Variants in ATP2B4 observed in about 807,000 individuals in gnomAD.
ATP2B4 encodes the protein plasma membrane calcium-transporting ATPase 4.
A neutral mutation model predicts 110.3 loss-of-function variants in ATP2B4; 39 were observed. The ratio of observed to expected loss-of-function variants is 0.35; its 90% confidence interval spans 0.27 to 0.46. The LOEUF (loss-of-function observed/expected upper bound fraction) is 0.46. Ranked by LOEUF, ATP2B4 falls within the 20% of genes least tolerant of loss-of-function variation. The probability of loss-of-function intolerance (pLI) is 1.00; values close to 1 mark genes in which losing one functional copy is unlikely to be tolerated. For synonymous variants in ATP2B4, 538 were observed against 571.7 expected, an observed-to-expected ratio of 0.94 and a Z score of 0.84; for missense variants, 1,135 against 1,530.9, an observed-to-expected ratio of 0.74 and a Z score of 4.32.
At position 203,680,608 on chromosome 1, in the gene ATP2B4, C is replaced by CAAAA. The variant is rs372298550; in HGVS notation, c.-464-2127_-464-2124dup. Reference sequence around the variant, plus strand: ...TGGGCGACAGAGTGAGACTCCGTCTCAAAAAAAAAAGAAAAAAAAGATCAA... The same window carrying CAAAA: ...TGGGCGACAGAGTGAGACTCCGTCTCAAAAAAAAAAAAAAGAAAAAAAAGATCAA... On this transcript the variant is annotated intron_variant, in intron 1 of 20. Coordinates refer to ENST00000357681, the MANE Select transcript of ATP2B4 (RefSeq NM_001684.5). Among the ~76,000 whole-genome samples, 42 of 130,780 alleles carry CAAAA rather than the reference C, an allele frequency of 3.2e-4. 4 individuals carry two copies. Among genetic ancestry groups the CAAAA allele is most frequent in the Admixed American group, 4.8e-4 (6 of 12,576 alleles). The allele number at this position is 130,780 out of a possible 152,430, so 85.8% of individuals were successfully genotyped here.
intron 1 of ATP2B4, among the ~76,000 whole-genome samples, chr1:203,660,799 AAAAT>A (rs1279743821): frequency 4.0e-5 from 6 of 151,414 alleles, no homozygotes; most frequent in Non-Finnish European, 7.4e-5. Context: ...CTGTCTCAAA[AAAAT>A]AAATAAATAA....
At chr1:203,713,841 A>G (rs1666083800) in intron 14 of ATP2B4, among the ~76,000 whole-genome samples, 1 of 152,128 alleles carries the variant, frequency 6.6e-6, no homozygotes, top group African/African-American at 2.4e-5. Context: ...AGGTATTCCC[A>G]TTTTACAAAT....
At chr1:203,732,745 G>A (rs904313364) in intron 20 of ATP2B4, among the ~76,000 whole-genome samples, 1 of 151,688 alleles carries the variant, frequency 6.6e-6, no homozygotes, top group African/African-American at 2.4e-5. Flanking sequence ...GGGCCTGTAG[G>A]TGGAGGTTGC....
rs1319802152 is a variant in ATP2B4 at position 203,740,416 on chromosome 1, T to A, written c.*562T>A. The A allele has an allele frequency of 6.6e-6, 1 of 150,378 alleles. No individual in the cohort carries two copies. The highest frequency in any genetic ancestry group is 1.9e-4 in the East Asian group (1 of 5,144). 9.3% of individuals were successfully genotyped at this position (150,378 alleles called of 1,614,324 possible). A position where few individuals can be genotyped will look rare whatever the true frequency, so the allele number is the denominator to read the frequency against. The stretch of plus-strand genomic sequence containing the variant: ...TTCATTCAAACCTCTCCAAAGTTCT[T>A]TGTCTTTTGTCTTCCCTTCCTTTCC... On this transcript the variant is annotated 3_prime_UTR_variant, in exon 21 of 21. Coordinates refer to ENST00000357681, the MANE Select transcript of ATP2B4 (RefSeq NM_001684.5).
rs917436236 is a variant in ATP2B4, at chr1:203,699,552, G to A, written c.484G>A (p.Val162Met). ...GAAILFSVIIVVLVTAFNDWS... is the reference protein window; with the variant it reads ...GAAILFSVIIMVLVTAFNDWS... The stretch of plus-strand genomic sequence containing the variant: ...AGCCATCCTTTTCTCAGTGATCATC[G>A]TGGTGTTAGTGACTGCCTTTAATGA... Residue 162 changes from valine to methionine, a missense_variant, in exon 4 of 21, where the codon GTG becomes ATG. Around this residue, in one of 9 missense-constraint regions of ATP2B4, gnomAD observed 101 missense variants for 182.6 expected, o/e 0.55. Coordinates refer to ENST00000357681, the MANE Select transcript of ATP2B4 (RefSeq NM_001684.5). 4 of 1,614,054 alleles carry A rather than the reference G, an allele frequency of 2.5e-6. No homozygotes were observed. The highest frequency in any genetic ancestry group is 1.3e-5 in the African/African-American group (1 of 74,902).
At position 203,647,967 on chromosome 1, in the gene ATP2B4, G is replaced by C. The variant is rs769387078; in HGVS notation, c.-465+20748G>C. Among the ~76,000 whole-genome samples, 122 of 152,128 alleles carry C rather than the reference G, an allele frequency of 8.0e-4. 1 individual carries two copies. Among genetic ancestry groups the C allele is most frequent in the Admixed American group, 3.3e-4 (5 of 15,266 alleles). On this transcript the variant is annotated intron_variant, in intron 1 of 20. Coordinates refer to ENST00000357681, the MANE Select transcript of ATP2B4 (RefSeq NM_001684.5). Reference sequence around the variant, plus strand: ...TCTATGTGTCTGGATCTCACATGAAGGTGTGAGAAGATGGGCAGGCCAACT... The same window carrying C: ...TCTATGTGTCTGGATCTCACATGAACGTGTGAGAAGATGGGCAGGCCAACT...
At chr1:203,672,088 A>G (rs994576546) in intron 1 of ATP2B4, among the ~76,000 whole-genome samples, 8 of 152,194 alleles carry the variant, frequency 5.3e-5, no homozygotes, top group Admixed American at 4.6e-4. Flanking sequence ...TATCCGTAAT[A>G]TAAGTGCAGG....
intron 1 of ATP2B4, among the ~76,000 whole-genome samples, chr1:203,647,769 A>C (rs1232711832): frequency 6.6e-6 from 1 of 152,048 alleles, no homozygotes; most frequent in East Asian, 1.9e-4. Flanking sequence ...AAAAAATTTA[A>C]ATATATGAAG....
intron 7 of ATP2B4, among the ~76,000 whole-genome samples, chr1:203,702,773 T>G (rs1426315215): frequency 6.6e-6 from 1 of 152,238 alleles, no homozygotes; most frequent in African/African-American, 2.4e-5. Flanking sequence ...GGAGTGGTGC[T>G]GGGAGCCAGC....
intron 1 of ATP2B4, chr1:203,657,172 CA>C: frequency 1.2e-6 from 1 of 809,604 alleles, no homozygotes; most frequent in Non-Finnish European, 2.2e-6. Context: ...TATTGGTGGG[CA>C]AAAGGTGGCT....
chr1:203,667,340 A>T (rs376481631), intron 1 of ATP2B4, among the ~76,000 whole-genome samples: 1 of 152,216 alleles, frequency 6.6e-6, no homozygotes, highest in African/African-American at 2.4e-5. Context: ...TAATCCTTCT[A>T]CAAGTACATT....
In ATP2B4 at chr1:203,683,008, C is replaced by T. The variant is rs1252305057; in HGVS notation, c.-198C>T. On this transcript the variant is annotated 5_prime_UTR_variant, in exon 2 of 21. Transcript: ENST00000357681. ...TCTTCCTCCTCTCGCTGCCAGACTTCATACGGAAGAAAGGATCTAGACTTC... is the reference window on the plus strand; with the variant it reads ...TCTTCCTCCTCTCGCTGCCAGACTTTATACGGAAGAAAGGATCTAGACTTC... 6 of 533,056 alleles carry T rather than the reference C, an allele frequency of 1.1e-5. No homozygotes were observed. Among genetic ancestry groups the T allele is most frequent in the Non-Finnish European group, 1.6e-5 (5 of 306,318 alleles). The allele number at this position is 533,056 out of a possible 1,614,324, so 33.0% of individuals were successfully genotyped here.
intron 1 of ATP2B4, among the ~76,000 whole-genome samples, chr1:203,628,699 C>T (rs1391139561): frequency 3.9e-5 from 6 of 152,194 alleles, no homozygotes; most frequent in Admixed American, 1.3e-4. Context: ...TACTACGCCC[C>T]CTCCACTCTG....
chr1:203,691,562 G>T (rs1411259737), intron 2 of ATP2B4, among the ~76,000 whole-genome samples: 1 of 152,204 alleles, frequency 6.6e-6, no homozygotes, highest in African/African-American at 2.4e-5. Context: ...CCCTGAGGAA[G>T]CGGCCCACCT....
chr1:203,640,098 G>A (rs1663581142), intron 1 of ATP2B4, among the ~76,000 whole-genome samples: 1 of 152,128 alleles, frequency 6.6e-6, no homozygotes, highest in East Asian at 1.9e-4. Flanking sequence ...ATAAGGTATT[G>A]TAGGTAAAAG....
chr1:203,686,685 C>CTTTTTT (rs779048789), intron 2 of ATP2B4, among the ~76,000 whole-genome samples: 429 of 42,720 alleles, frequency 0.01, 22 homozygotes, highest in African/African-American at 0.016. Flanking sequence ...TCTTTTCTTT[C>CTTTTTT]TTTTTTTTTT....
At chr1:203,685,915 C>G (rs7539122) in intron 2 of ATP2B4, among the ~76,000 whole-genome samples, 2 of 151,918 alleles carry the variant, frequency 1.3e-5, no homozygotes, top group Non-Finnish European at 2.9e-5. Context: ...ACATGGGTGC[C>G]TATGGAGTGC....
chr1:203,657,050 C>T (rs1181100163), intron 1 of ATP2B4: 7 of 796,302 alleles, frequency 8.8e-6, no homozygotes, highest in South Asian at 1.5e-5. Flanking sequence ...ATAACTTTGC[C>T]TCCTTGTGTC....
chr1:203,657,013 T>C, intron 1 of ATP2B4: 1 of 746,730 alleles, frequency 1.3e-6, no homozygotes, highest in Non-Finnish European at 2.4e-6. Context: ...TTCAGGACTG[T>C]TGGTAACCTG....
Sources: allele counts gnomAD v4.1 joint callset (sites outside exome capture counted in the v4.1 genomes callset), GRCh38; gene constraint gnomAD v4.1.1; regional missense constraint gnomAD v4.1.1; transcripts MANE v1.5; gene names NCBI Gene and HGNC (gene_info 2026-07-23, HGNC 2026-07-21).